ZNF620: variants seen among roughly 807,000 people sequenced by gnomAD.
ZNF620 encodes zinc finger protein 620.
A neutral mutation model predicts 13.3 loss-of-function variants in ZNF620; 10 were observed. That is an observed-to-expected ratio of 0.75 (90% CI 0.46 to 1.28). ZNF620 has a LOEUF of 1.28. Ranked by LOEUF, ZNF620 falls within the 50% of genes most tolerant of loss-of-function variation. ZNF620 has a pLI of 0.00. For synonymous variants in ZNF620, 166 were observed against 177.6 expected, an observed-to-expected ratio of 0.93 and a Z score of 0.52; for missense variants, 461 against 500.2, an observed-to-expected ratio of 0.92 and a Z score of 0.75.
At chr3:40,515,450 C>T (rs1256712397) in intron 4 of ZNF620, among the ~76,000 whole-genome samples, 2 of 152,242 alleles carry the variant, frequency 1.3e-5, no homozygotes, top group Non-Finnish European at 2.9e-5. Context: ...AACTGCTCAG[C>T]CTGCCCCTTC....
intron 2 of ZNF620, among the ~76,000 whole-genome samples, chr3:40,510,914 G>A (rs986742262): frequency 6.6e-6 from 1 of 151,948 alleles, no homozygotes; most frequent in African/African-American, 2.4e-5. Context: ...CACACTTGGC[G>A]AATTTTTGTA....
intron 2 of ZNF620, 119 bp downstream of exon 2, chr3:40,506,495 T>C: frequency 8.7e-7 from 1 of 1,155,522 alleles, no homozygotes; most frequent in Non-Finnish European, 1.3e-6. Context: ...CATCTGTCAC[T>C]ATGAGAGGGA....
In ZNF620 at chr3:40,516,095, A is replaced by G. The variant is rs1387411089; in HGVS notation, c.501A>G (p.Gly167=). The stretch of plus-strand genomic sequence containing the variant: ...ATGAGGCCTATGAGGTCAAGAATGG[A>G]GAGAAGTTTGAGAAATTAGGAAAAA... ...RHHEAYEVKN[G]EKFEKLGKNI... Residue 167 remains glycine (G), a synonymous_variant, in exon 5 of 5, where the codon GGA becomes GGG. Coordinates refer to ENST00000314529, the MANE Select transcript of ZNF620 (RefSeq NM_175888.4). 1 of 1,614,134 alleles carries G rather than the reference A, an allele frequency of 6.2e-7. No homozygotes were observed. Among genetic ancestry groups the G allele is most frequent in the Non-Finnish European group, 8.5e-7 (1 of 1,180,022 alleles).
rs1698385654 is a variant in ZNF620, at chr3:40,516,386, C to T, written c.792C>T (p.Asp264=). ...AATGTGGAAAAGGTTTAAGTTCAGA[C>T]ACAGCCTTGATTCAGCATCAGAGAA... The part of the protein sequence containing the change: ...CKECGKGLSS[D]TALIQHQRIH... The change falls in exon 5 of 5, where the codon GAC becomes GAT. Residue 264 remains aspartate, a synonymous_variant. Coordinates refer to ENST00000314529, the MANE Select transcript of ZNF620 (RefSeq NM_175888.4). 1 of 1,614,212 alleles carries T rather than the reference C, an allele frequency of 6.2e-7. No homozygotes were observed. The highest frequency in any genetic ancestry group is 1.1e-5 in the South Asian group (1 of 91,090).
At chr3:40,509,440 CA>C (rs1210970576) in intron 2 of ZNF620, among the ~76,000 whole-genome samples, 2 of 152,070 alleles carry the variant, frequency 1.3e-5, no homozygotes. Flanking sequence ...TCATGTTGGC[CA>C]GGCTGGTCTC....
rs199626068 is a variant in ZNF620 at position 40,516,576 on chromosome 3, C to G, written c.982C>G (p.Arg328Gly). 6.2e-7 allele frequency: 1 copy of G among 1,613,618 alleles called. No homozygotes were observed. The highest frequency in any genetic ancestry group is 8.5e-7 in the Non-Finnish European group (1 of 1,179,906). The part of the protein sequence containing the change: ...SCSSSFTVHQ[R>G]MHTGEKPYEC... Reference sequence around the variant, plus strand: ...CAGCTCAAGTTTCACTGTCCATCAGCGAATGCACACTGGGGAGAAACCTTA... The same window carrying G: ...CAGCTCAAGTTTCACTGTCCATCAGGGAATGCACACTGGGGAGAAACCTTA... Residue 328 changes from arginine to glycine, a missense_variant, in exon 5 of 5, where the codon CGA becomes GGA. Arg to Gly is a moderately radical substitution (Grantham distance 125). Transcript: ENST00000314529.
chr3:40,513,554 G>A (rs879713647), intron 4 of ZNF620, among the ~76,000 whole-genome samples: 49 of 151,158 alleles, frequency 3.2e-4, no homozygotes, highest in Admixed American at 7.9e-4. Context: ...CAGGAGAATC[G>A]GTTGAACCTG....
chr3:40,516,962 C>A lies in ZNF620; in HGVS notation c.*99C>A. On this transcript the variant is annotated 3_prime_UTR_variant, in exon 5 of 5. Coordinates refer to ENST00000314529, the MANE Select transcript of ZNF620 (RefSeq NM_175888.4). ...CTGTCCTTCCTGGTTAGACACTTGGCTTTCATCATGAACTCTTCTTTAAGT... is the reference window on the plus strand; with the variant it reads ...CTGTCCTTCCTGGTTAGACACTTGGATTTCATCATGAACTCTTCTTTAAGT... The A allele has an allele frequency of 7.3e-7, 1 of 1,364,164 alleles. No individual in the cohort carries two copies. The highest frequency in any genetic ancestry group is 2.6e-4 in the Middle Eastern group (1 of 3,884). 84.5% of individuals were successfully genotyped at this position (1,364,164 alleles called of 1,614,324 possible).
rs983131041 is a variant in ZNF620, at chr3:40,518,547, C to T, written c.*1684C>T. On this transcript the variant is annotated 3_prime_UTR_variant, in exon 5 of 5. Coordinates refer to ENST00000314529, the MANE Select transcript of ZNF620 (RefSeq NM_175888.4). ...AGATCAAGACCATCCTGCTAACACA[C>T]TGAAACCCTGTCTCTACTAAAAGTA... 1.3e-5 allele frequency: 2 copies of T among 151,914 alleles called. No individual in the cohort carries two copies. Among genetic ancestry groups the T allele is most frequent in the African/African-American group, 4.8e-5 (2 of 41,362 alleles). 9.4% of individuals were successfully genotyped at this position (151,914 alleles called of 1,614,324 possible).
chr3:40,510,819 G>A (rs551739452), intron 2 of ZNF620, among the ~76,000 whole-genome samples: 3 of 152,256 alleles, frequency 2.0e-5, no homozygotes, highest in Admixed American at 2.0e-4. Flanking sequence ...TGCAAACACA[G>A]CTCACTGCAG....
intron 2 of ZNF620, among the ~76,000 whole-genome samples, chr3:40,507,089 GTT>G (rs370195603): frequency 0.061 from 5,977 of 97,734 alleles, 216 homozygotes; most frequent in African/African-American, 0.22. Context: ...TGACCATATG[GTT>G]TTTTTTTTTT....
chr3:40,508,869 C>T, intron 2 of ZNF620: 1 of 447,382 alleles, frequency 2.2e-6, no homozygotes, highest in South Asian at 1.6e-5. Context: ...CCTCCCGCCT[C>T]CACCTCCCAA....
At chr3:40,508,917 C>A in intron 2 of ZNF620, 1 of 364,770 alleles carries the variant, frequency 2.7e-6, no homozygotes, top group Middle Eastern at 7.0e-4. Flanking sequence ...CATGCCTGGC[C>A]TTACAGTTTT....
intron 4 of ZNF620, among the ~76,000 whole-genome samples, chr3:40,515,587 T>G (rs1265374409): frequency 6.6e-6 from 1 of 152,220 alleles, no homozygotes; most frequent in East Asian, 1.9e-4. Context: ...CTTTGCAGTT[T>G]TCTGGTTTTC....
At chr3:40,507,100 T>G (rs984985869) in intron 2 of ZNF620, among the ~76,000 whole-genome samples, 1 of 146,628 alleles carries the variant, frequency 6.8e-6, no homozygotes, top group Non-Finnish European at 1.5e-5. Flanking sequence ...TTTTTTTTTT[T>G]TTTTTTTTTT....
chr3:40,506,480 T>C, intron 2 of ZNF620, 104 bp downstream of exon 2: 9 of 1,226,692 alleles, frequency 7.3e-6, no homozygotes, highest in Admixed American at 2.1e-5. Context: ...GTGGCTTCCA[T>C]TGTGCATCTG....
At position 40,512,417 on chromosome 3, in the gene ZNF620, C is replaced by T. The variant is rs199758819; in HGVS notation, c.167C>T (p.Thr56Met). ...NVASLAFPFTTPVLVSQLEQG... is the reference protein window; with the variant it reads ...NVASLAFPFTMPVLVSQLEQG... ...CCCTGGGCAGCATTCCCATTCACCACGCCTGTTCTGGTCTCCCAGCTGGAG... is the reference window on the plus strand; with the variant it reads ...CCCTGGGCAGCATTCCCATTCACCATGCCTGTTCTGGTCTCCCAGCTGGAG... The change falls in exon 4 of 5, where the codon ACG (threonine) becomes ATG (methionine). Residue 56 changes from threonine to methionine, a missense_variant. Thr to Met is a moderately conservative substitution (Grantham distance 81, BLOSUM62 -1). Transcript: ENST00000314529. 3.7e-5 allele frequency: 59 copies of T among 1,614,202 alleles called. No individual in the cohort carries two copies. Among genetic ancestry groups the T allele is most frequent in the African/African-American group, 5.3e-5 (4 of 75,048 alleles).
chr3:40,512,802 A>G (rs1698241216), intron 4 of ZNF620, among the ~76,000 whole-genome samples: 1 of 151,942 alleles, frequency 6.6e-6, no homozygotes, highest in African/African-American at 2.4e-5. Context: ...AAACCAGCTC[A>G]TTTCTTCTCT....
rs1037659084 is a variant in ZNF620, at chr3:40,517,226, A to G, written c.*363A>G. On this transcript the variant is annotated 3_prime_UTR_variant, in exon 5 of 5. Coordinates refer to ENST00000314529, the MANE Select transcript of ZNF620 (RefSeq NM_175888.4). ...AAAAATGAGACCCTAAAAAGTTTCTAGAGAGAGAAAACAAAAGATCAGAAA... is the reference window on the plus strand; with the variant it reads ...AAAAATGAGACCCTAAAAAGTTTCTGGAGAGAGAAAACAAAAGATCAGAAA... The G allele has an allele frequency of 6.2e-6, 1 of 161,516 alleles. No homozygotes were observed. Among genetic ancestry groups the G allele is most frequent in the African/African-American group, 2.4e-5 (1 of 41,686 alleles). The allele number at this position is 161,516 out of a possible 1,614,324, so 10.0% of individuals were successfully genotyped here. A position where few individuals can be genotyped will look rare whatever the true frequency, so the allele number is the denominator to read the frequency against.
Sources: gnomAD v4.1 joint callset for allele counts (sites outside exome capture counted in the v4.1 genomes callset) on GRCh38, gnomAD v4.1.1 for gene constraint, MANE v1.5 for transcripts, NCBI Gene and HGNC (gene_info 2026-07-23, HGNC 2026-07-21) for gene names.